The following NME7 variants were observed in gnomAD, a reference collection of about 807,000 sequenced individuals.
NME7 encodes the protein nucleoside diphosphate kinase 7.
A neutral mutation model predicts 49.1 loss-of-function variants in NME7; 41 were observed. The observed-to-expected ratio is 0.83, with a 90% confidence interval of 0.65 to 1.08. The LOEUF (loss-of-function observed/expected upper bound fraction) is 1.08. Among genes scored for constraint, NME7 ranks in the 50% least tolerant of loss-of-function variants. The pLI is 0.00. For missense variants in NME7, 423 were observed against 463.4 expected, an observed-to-expected ratio of 0.91 and a Z score of 0.80; for synonymous variants, 139 against 150.6, an observed-to-expected ratio of 0.92 and a Z score of 0.56.
intron 11 of NME7, among the ~76,000 whole-genome samples, chr1:169,155,762 GTT>G (rs34178237): frequency 2.0e-3 from 288 of 141,376 alleles, no homozygotes; most frequent in African/African-American, 4.8e-3. Context: ...TTACTGTTTA[GTT>G]TTTTTTTTTT....
chr1:169,342,985 A>G (rs917358142), intron 1 of NME7, among the ~76,000 whole-genome samples: 3 of 99,118 alleles, frequency 3.0e-5, no homozygotes, highest in Non-Finnish European at 7.0e-5. Context: ...GTACATATAT[A>G]TACTTGTATT....
chr1:169,199,290 C>T (rs909440803), intron 10 of NME7, among the ~76,000 whole-genome samples: 2 of 151,790 alleles, frequency 1.3e-5, no homozygotes, highest in Non-Finnish European at 2.9e-5. Flanking sequence ...CTCACTTATT[C>T]TTCACAATAA....
chr1:169,320,619 A>G (rs947046892), intron 3 of NME7, among the ~76,000 whole-genome samples: 25 of 152,204 alleles, frequency 1.6e-4, no homozygotes, highest in Admixed American at 4.6e-4. Flanking sequence ...AAATAAAACA[A>G]TAAATTTTTG....
At chr1:169,301,137 A>C (rs1650922585) in intron 5 of NME7, among the ~76,000 whole-genome samples, 1 of 152,180 alleles carries the variant, frequency 6.6e-6, no homozygotes, top group Non-Finnish European at 1.5e-5. Flanking sequence ...CAGAGTAAAA[A>C]GACAATCCAC....
At chr1:169,281,478 T>G (rs1198111869) in intron 7 of NME7, among the ~76,000 whole-genome samples, 1 of 152,214 alleles carries the variant, frequency 6.6e-6, no homozygotes, top group Non-Finnish European at 1.5e-5. Flanking sequence ...GGCCAGAACA[T>G]CCAATACTAT....
In NME7 at chr1:169,332,002, G is replaced by C. The variant is rs111896812; in HGVS notation, c.4-7502C>G. On this transcript the variant is annotated intron_variant, in intron 1 of 11. Transcript: ENST00000367811. ...TTTATATGGAACCACAAAAAACTCA[G>C]AATAGCCAAAACCATCCTAAGCAAA... Among the ~76,000 whole-genome samples, 138 of 152,000 alleles carry C rather than the reference G, an allele frequency of 9.1e-4. 2 individuals are homozygous for C. In the South Asian group the frequency reaches 0.011, roughly 12 times the overall value.
chr1:169,349,598 T>C (rs1462592631), intron 1 of NME7, among the ~76,000 whole-genome samples: 1 of 152,166 alleles, frequency 6.6e-6, no homozygotes, highest in African/African-American at 2.4e-5. Flanking sequence ...TTCAAGAATA[T>C]CTTTCTCATG....
chr1:169,316,413 C>A (rs1157407825), intron 3 of NME7, among the ~76,000 whole-genome samples: 1 of 152,034 alleles, frequency 6.6e-6, no homozygotes, highest in Non-Finnish European at 1.5e-5. Context: ...AATCACATAA[C>A]CTCTAAAGCA....
chr1:169,342,362 C>T (rs574854873), intron 1 of NME7, among the ~76,000 whole-genome samples: 114 of 151,616 alleles, frequency 7.5e-4, no homozygotes, highest in African/African-American at 1.9e-3. Context: ...CTGAGGCCTC[C>T]GCAGCCATGT....
intron 11 of NME7, chr1:169,169,042 T>C: frequency 2.2e-6 from 1 of 447,132 alleles, no homozygotes; most frequent in Non-Finnish European, 4.3e-6. Flanking sequence ...CAGAATTTAA[T>C]TATTTTAAAA....
At chr1:169,309,392 C>T (rs1260477214) in intron 4 of NME7, among the ~76,000 whole-genome samples, 2 of 152,100 alleles carry the variant, frequency 1.3e-5, no homozygotes, top group East Asian at 1.9e-4. Flanking sequence ...AAAAAGACCT[C>T]GGGCTTCATT....
chr1:169,345,954 A>G (rs1351844419), intron 1 of NME7, among the ~76,000 whole-genome samples: 1 of 152,172 alleles, frequency 6.6e-6, no homozygotes, highest in Non-Finnish European at 1.5e-5. Flanking sequence ...TCCTAGGGTC[A>G]TCTTTTAACT....
At chr1:169,225,021 T>C (rs564842978) in intron 10 of NME7, among the ~76,000 whole-genome samples, 42 of 152,238 alleles carry the variant, frequency 2.8e-4, no homozygotes, top group African/African-American at 9.9e-4. Flanking sequence ...TCTCTGTCAA[T>C]AAGACAATAA....
At chr1:169,244,009 ATATG>A (rs1424121365) in intron 7 of NME7, among the ~76,000 whole-genome samples, 22 of 144,904 alleles carry the variant, frequency 1.5e-4, no homozygotes, top group Admixed American at 5.6e-4. Flanking sequence ...TTTAGTTGGC[ATATG>A]TATGTACCTC....
At chr1:169,164,547 C>A (rs1167154290) in intron 11 of NME7, among the ~76,000 whole-genome samples, 1 of 152,094 alleles carries the variant, frequency 6.6e-6, no homozygotes, top group East Asian at 1.9e-4. Context: ...GAGTAACTTG[C>A]CCAGGAGTAC....
rs546307328 is a variant in NME7 at position 169,188,774 on chromosome 1, C to G, written c.991-19220G>C. 2.0e-5 allele frequency among the ~76,000 whole-genome samples: 3 copies of G among 152,238 alleles called. No homozygotes were observed. In the East Asian group the frequency reaches 5.8e-4, roughly 29 times the overall value. The stretch of plus-strand genomic sequence containing the variant: ...CTGTGGGATCAGATCATTTTGACTT[C>G]TCATATAATTGTTACACACTGAGGT... On this transcript the variant is annotated intron_variant, in intron 10 of 11. Coordinates refer to ENST00000367811, the MANE Select transcript of NME7 (RefSeq NM_013330.5).
chr1:169,325,075 T>C (rs926821445), intron 1 of NME7, among the ~76,000 whole-genome samples: 1 of 152,012 alleles, frequency 6.6e-6, no homozygotes, highest in Non-Finnish European at 1.5e-5. Flanking sequence ...AGATTGAACA[T>C]ACAAGAATTT....
chr1:169,273,625 C>A lies in NME7; in HGVS notation c.754+13678G>T, dbSNP rs201164756. Among the ~76,000 whole-genome samples the A allele has an allele frequency of 7.9e-3, 915 of 115,514 alleles. 5 individuals are homozygous for A. The highest frequency in any genetic ancestry group is 0.013 in the Non-Finnish European group (617 of 47,356). The allele number at this position is 115,514 out of a possible 152,430, so 75.8% of individuals were successfully genotyped here. On this transcript the variant is annotated intron_variant, in intron 7 of 11. Coordinates refer to ENST00000367811, the MANE Select transcript of NME7 (RefSeq NM_013330.5). ...ATCCCTCCCCACTCCCCCTACCCCA[C>A]AACAGTCCCCAGAGTGTGATGTTCC...
chr1:169,213,796 T>G (rs1660897149), intron 10 of NME7, among the ~76,000 whole-genome samples: 2 of 151,188 alleles, frequency 1.3e-5, no homozygotes, highest in South Asian at 4.2e-4. Context: ...AACAATAATC[T>G]TGGGAAAAAA....
Sources: allele counts gnomAD v4.1 joint callset (sites outside exome capture counted in the v4.1 genomes callset), GRCh38; gene constraint gnomAD v4.1.1; transcripts MANE v1.5; gene names NCBI Gene and HGNC (gene_info 2026-07-23, HGNC 2026-07-21).